CMIP: variants seen among roughly 807,000 people sequenced by gnomAD.
CMIP encodes the protein c-Maf inducing protein, also known as C-Maf-inducing protein.
A neutral mutation model predicts 97.3 loss-of-function variants in CMIP; 13 were observed. That is an observed-to-expected ratio of 0.13 (90% CI 0.09 to 0.21). The LOEUF is 0.21. CMIP is among the 10% of genes least tolerant of loss of function. The probability of loss-of-function intolerance (pLI) is 1.00; values close to 1 mark genes in which losing one functional copy is unlikely to be tolerated. For missense variants in CMIP, 847 were observed against 1,024.9 expected (o/e 0.83, Z 2.37); for synonymous variants, 538 against 436.3 (o/e 1.23, Z -2.91).
chr16:81,446,243 G>A (rs1905834909), intron 1 of CMIP, among the ~76,000 whole-genome samples: 2 of 152,098 alleles, frequency 1.3e-5, no homozygotes, highest in South Asian at 4.1e-4. Flanking sequence ...GGCATTGTCT[G>A]TAGAGTGTGT....
At chr16:81,661,382 C>T (rs1191764998) in intron 6 of CMIP, among the ~76,000 whole-genome samples, 1 of 152,254 alleles carries the variant, frequency 6.6e-6, no homozygotes, top group Non-Finnish European at 1.5e-5. Context: ...CATCCGCTGC[C>T]GGGCACCCGG....
chr16:81,621,024 A>T lies in CMIP; in HGVS notation c.477+98A>T, dbSNP rs569673186. 2.1e-5 allele frequency: 32 copies of T among 1,491,344 alleles called. No individual in the cohort carries two copies. In the African/African-American group the frequency reaches 4.3e-4, roughly 20 times the overall value. 92.4% of individuals were successfully genotyped at this position (1,491,344 alleles called of 1,614,324 possible). A position where few individuals can be genotyped will look rare whatever the true frequency, so the allele number is the denominator to read the frequency against. ...CCAGAGGCATGAAAGTGGAGAACTC[A>T]TGCCTTCCAGATGGCTCAGCTGAGG... On this transcript the variant is annotated intron_variant, in intron 3 of 20. Coordinates refer to ENST00000537098, the MANE Select transcript of CMIP (RefSeq NM_198390.3). This position sits in a 1 kb window ranked among gnomAD's most constrained non-coding sequence, Gnocchi z 4.1.
intron 1 of CMIP, among the ~76,000 whole-genome samples, chr16:81,588,649 T>TA (rs1435602851): frequency 6.6e-6 from 1 of 152,204 alleles, no homozygotes; most frequent in Non-Finnish European, 1.5e-5. Flanking sequence ...GCTTTTCACC[T>TA]ACGCTTATCA....
chr16:81,495,917 A>G (rs2089481535), intron 1 of CMIP, among the ~76,000 whole-genome samples: 1 of 152,166 alleles, frequency 6.6e-6, no homozygotes, highest in African/African-American at 2.4e-5. Flanking sequence ...GCAGTTTGCG[A>G]GATAATCCCC....
rs754123898 is a variant in CMIP at position 81,701,830 on chromosome 16, C to G, written c.1896+30C>G. The G allele has an allele frequency of 5.0e-6, 8 of 1,612,196 alleles. No homozygotes were observed. In the East Asian group the frequency reaches 1.6e-4, roughly 31 times the overall value. ...GTCCCCGGCTGCTCCGGACCACTCCCCTGCCCAGCAGGCCAGGGGGGGCCA... is the reference window on the plus strand; with the variant it reads ...GTCCCCGGCTGCTCCGGACCACTCCGCTGCCCAGCAGGCCAGGGGGGGCCA... On this transcript the variant is annotated intron_variant, in intron 16 of 20. Transcript: ENST00000537098.
At chr16:81,598,182 C>G (rs2091595008) in intron 1 of CMIP, among the ~76,000 whole-genome samples, 1 of 151,992 alleles carries the variant, frequency 6.6e-6, no homozygotes, top group South Asian at 2.1e-4. Flanking sequence ...TGGAGGGTAT[C>G]GCCTACAACA....
At chr16:81,684,723 G>A (rs1471063382) in intron 10 of CMIP, among the ~76,000 whole-genome samples, 1 of 152,244 alleles carries the variant, frequency 6.6e-6, no homozygotes, top group Non-Finnish European at 1.5e-5. Flanking sequence ...ATGTGCAGGT[G>A]CCTAATGCCT....
chr16:81,477,772 C>T (rs961184596), intron 1 of CMIP, among the ~76,000 whole-genome samples: 1 of 152,220 alleles, frequency 6.6e-6, no homozygotes, highest in Non-Finnish European at 1.5e-5. Flanking sequence ...GGCTGCTCCT[C>T]CGTTCTTAGC....
chr16:81,457,569 C>G (rs572552466), intron 1 of CMIP, among the ~76,000 whole-genome samples: 3 of 152,330 alleles, frequency 2.0e-5, no homozygotes, highest in Admixed American at 6.5e-5. Flanking sequence ...TGTAACAACC[C>G]GTGATACGTA....
intron 10 of CMIP, among the ~76,000 whole-genome samples, chr16:81,684,367 C>T (rs914297664): frequency 6.6e-6 from 1 of 152,248 alleles, no homozygotes. Flanking sequence ...GGGGCCTTCT[C>T]ATGCCCCGTG....
intron 1 of CMIP, among the ~76,000 whole-genome samples, chr16:81,558,326 G>T (rs1037180016): frequency 6.6e-6 from 1 of 152,178 alleles, no homozygotes; most frequent in Non-Finnish European, 1.5e-5. Flanking sequence ...AGATAGTGCT[G>T]CAGTGAACGT....
At chr16:81,486,857 C>A (rs1053238839) in intron 1 of CMIP, among the ~76,000 whole-genome samples, 17 of 152,274 alleles carry the variant, frequency 1.1e-4, no homozygotes, top group Non-Finnish European at 2.2e-4. Flanking sequence ...TGGCCATTTT[C>A]CCCTCATCTC....
chr16:81,467,423 C>T (rs966575926), intron 1 of CMIP, among the ~76,000 whole-genome samples: 17 of 152,170 alleles, frequency 1.1e-4, no homozygotes, highest in Admixed American at 7.9e-4. Flanking sequence ...TTTCTCTTTA[C>T]CCCGTAAAGG....
At chr16:81,516,430 G>A (rs1257553343) in intron 1 of CMIP, among the ~76,000 whole-genome samples, 1 of 152,176 alleles carries the variant, frequency 6.6e-6, no homozygotes, top group African/African-American at 2.4e-5. Context: ...CTTCGGTTCA[G>A]CCCTTGGTTT....
In CMIP at chr16:81,711,707, G is replaced by A. The variant is rs1023903680; in HGVS notation, c.*1908G>A. ...GTTAATACTACTGTCACGTAGCTGTGTACAAAGAGATGTGAAATACTTTCA... is the reference window on the plus strand; with the variant it reads ...GTTAATACTACTGTCACGTAGCTGTATACAAAGAGATGTGAAATACTTTCA... On this transcript the variant is annotated 3_prime_UTR_variant, in exon 21 of 21. Transcript: ENST00000537098. The A allele has an allele frequency of 1.3e-5, 2 of 152,232 alleles. No homozygotes were observed. Among genetic ancestry groups the A allele is most frequent in the Non-Finnish European group, 2.9e-5 (2 of 68,000 alleles). The allele number at this position is 152,232 out of a possible 1,614,324, so 9.4% of individuals were successfully genotyped here.
At chr16:81,664,499 C>A in intron 7 of CMIP, 150 bp downstream of exon 7, 1 of 663,028 alleles carries the variant, frequency 1.5e-6, no homozygotes, top group Non-Finnish European at 2.5e-6. Context: ...TGGTTAAGGA[C>A]TTTTGGGGGT....
chr16:81,510,131 A>C (rs1399702546), intron 1 of CMIP, among the ~76,000 whole-genome samples: 2 of 152,126 alleles, frequency 1.3e-5, no homozygotes, highest in Non-Finnish European at 2.9e-5. Context: ...GCCTCTATCA[A>C]GGTATTGACG....
At chr16:81,674,461 A>T (rs536785226) in intron 9 of CMIP, among the ~76,000 whole-genome samples, 1 of 152,208 alleles carries the variant, frequency 6.6e-6, no homozygotes, top group East Asian at 1.9e-4. Flanking sequence ...CAGAGTGTGC[A>T]GGAGCCAGCT....
intron 4 of CMIP, among the ~76,000 whole-genome samples, chr16:81,656,321 G>A (rs1488779716): frequency 6.6e-6 from 1 of 152,244 alleles, no homozygotes; most frequent in Admixed American, 6.5e-5. Context: ...CCTTAAGCCT[G>A]TCCAGGTGGT....
Sources: allele counts gnomAD v4.1 joint callset (sites outside exome capture counted in the v4.1 genomes callset), GRCh38; gene constraint gnomAD v4.1.1; non-coding constraint Gnocchi (gnomAD v3.1); transcripts MANE v1.5; gene names NCBI Gene and HGNC (gene_info 2026-07-23, HGNC 2026-07-21).